CLSTN2: variants seen among roughly 807,000 people sequenced by gnomAD.
CLSTN2 encodes calsyntenin-2.
Under a neutral mutation model 101.2 loss-of-function variants are expected in CLSTN2, and 48 were observed. That is an observed-to-expected ratio of 0.47 (90% CI 0.38 to 0.60). The LOEUF (loss-of-function observed/expected upper bound fraction) is 0.60. Among genes scored for constraint, CLSTN2 ranks in the 20% least tolerant of loss-of-function variants. CLSTN2 has a pLI of 0.00. For missense variants in CLSTN2, 1,160 were observed against 1,238.2 expected, an observed-to-expected ratio of 0.94 and a Z score of 0.95; for synonymous variants, 481 against 463.6, an observed-to-expected ratio of 1.04 and a Z score of -0.48.
rs149230500 is a variant in CLSTN2, at chr3:139,936,332, G to A, written c.109+849G>A. Among the ~76,000 whole-genome samples the A allele has an allele frequency of 1.3e-3, 197 of 152,280 alleles. 1 individual carries two copies. The highest frequency in any genetic ancestry group is 4.6e-3 in the African/African-American group (193 of 41,562). On this transcript the variant is annotated intron_variant, in intron 1 of 16. Transcript: ENST00000458420. ...GGAGGTCACGTGCTTGCAGGGGGTG[G>A]GGAGGCGAGGGAAGAGCAGAGCTGG...
At chr3:140,218,775 G>C (rs1479841001) in intron 2 of CLSTN2, among the ~76,000 whole-genome samples, 1 of 152,152 alleles carries the variant, frequency 6.6e-6, no homozygotes, top group South Asian at 2.1e-4. Flanking sequence ...TAGTGTTTGG[G>C]ACACAATTTG....
At chr3:140,387,858 G>A (rs928287584) in intron 2 of CLSTN2, among the ~76,000 whole-genome samples, 8 of 152,156 alleles carry the variant, frequency 5.3e-5, no homozygotes, top group Admixed American at 4.6e-4. Context: ...TCCATAATTG[G>A]GAGATAATGG....
At chr3:139,981,823 C>T (rs577194277) in intron 1 of CLSTN2, among the ~76,000 whole-genome samples, 3 of 152,302 alleles carry the variant, frequency 2.0e-5, no homozygotes, top group African/African-American at 2.4e-5. Flanking sequence ...CCTTTGGGTT[C>T]GTGCTACAAT....
intron 1 of CLSTN2, among the ~76,000 whole-genome samples, chr3:140,006,779 A>G (rs1560067963): frequency 1.3e-5 from 2 of 152,186 alleles, no homozygotes; most frequent in Admixed American, 6.5e-5. Context: ...AAGTGTTTTT[A>G]TAAGTGCAGT....
At chr3:140,108,889 C>T (rs1051444567) in intron 1 of CLSTN2, among the ~76,000 whole-genome samples, 2 of 152,114 alleles carry the variant, frequency 1.3e-5, no homozygotes, top group Non-Finnish European at 2.9e-5. Flanking sequence ...GCTAGGTACC[C>T]GGCACTGGGA....
chr3:140,542,478 A>G (rs1346506158), intron 9 of CLSTN2, among the ~76,000 whole-genome samples: 1 of 151,882 alleles, frequency 6.6e-6, no homozygotes, highest in Admixed American at 6.6e-5. Flanking sequence ...CTAATTGTTA[A>G]CCAACAGAGG....
chr3:140,358,200 G>A (rs1020968429), intron 2 of CLSTN2, among the ~76,000 whole-genome samples: 2 of 152,050 alleles, frequency 1.3e-5, no homozygotes, highest in African/African-American at 4.8e-5. Context: ...AGGGAGACAT[G>A]GCCAAGCCCC....
chr3:140,258,943 G>A (rs375399704), intron 2 of CLSTN2, among the ~76,000 whole-genome samples: 1 of 152,258 alleles, frequency 6.6e-6, no homozygotes, highest in Admixed American at 6.5e-5. Flanking sequence ...AGATATGTAA[G>A]TCATGTATAG....
chr3:139,972,195 C>G (rs952572345), intron 1 of CLSTN2, among the ~76,000 whole-genome samples: 1 of 151,748 alleles, frequency 6.6e-6, no homozygotes, highest in Non-Finnish European at 1.5e-5. Flanking sequence ...ACCTGGGAGG[C>G]GGAGGTTGCA....
At chr3:140,079,439 T>A (rs2008548009) in intron 1 of CLSTN2, among the ~76,000 whole-genome samples, 1 of 152,188 alleles carries the variant, frequency 6.6e-6, no homozygotes, top group East Asian at 1.9e-4. Flanking sequence ...TCATGTACTA[T>A]GGACACTGTA....
At chr3:140,250,698 A>G (rs914001507) in intron 2 of CLSTN2, among the ~76,000 whole-genome samples, 1 of 152,188 alleles carries the variant, frequency 6.6e-6, no homozygotes, top group Non-Finnish European at 1.5e-5. Context: ...AGCCTTCGCC[A>G]GGGATAATTA....
chr3:140,184,655 G>A (rs1027284147), intron 2 of CLSTN2, among the ~76,000 whole-genome samples: 5 of 152,114 alleles, frequency 3.3e-5, no homozygotes, highest in African/African-American at 7.2e-5. Flanking sequence ...TGCAGGAGTG[G>A]ACTACTAAAG....
intron 2 of CLSTN2, among the ~76,000 whole-genome samples, chr3:140,229,708 C>A (rs1329882421): frequency 6.6e-6 from 1 of 151,992 alleles, no homozygotes; most frequent in East Asian, 1.9e-4. Context: ...CTCCCGCTCT[C>A]ACCTTCTCCA....
chr3:139,966,009 A>G lies in CLSTN2; in HGVS notation c.109+30526A>G, dbSNP rs112913688. 5.0e-3 allele frequency among the ~76,000 whole-genome samples: 764 copies of G among 152,324 alleles called. 1 individual carries two copies. Among genetic ancestry groups the G allele is most frequent in the Non-Finnish European group, 7.5e-3 (513 of 68,028 alleles). On this transcript the variant is annotated intron_variant, in intron 1 of 16. Transcript: ENST00000458420. ...ATTTTGACGCTAGCCAATGGAACACAGCCAGGTGCTAGAAGAACTGGGCCA... is the reference window on the plus strand; with the variant it reads ...ATTTTGACGCTAGCCAATGGAACACGGCCAGGTGCTAGAAGAACTGGGCCA...
chr3:140,158,839 G>T (rs555780217), intron 1 of CLSTN2, among the ~76,000 whole-genome samples: 51 of 152,166 alleles, frequency 3.4e-4, no homozygotes, highest in African/African-American at 1.2e-3. Context: ...ACACATGGAC[G>T]AATGGAACAG....
At chr3:140,529,590 G>A (rs1002719509) in intron 8 of CLSTN2, among the ~76,000 whole-genome samples, 2 of 152,172 alleles carry the variant, frequency 1.3e-5, no homozygotes, top group African/African-American at 4.8e-5. Flanking sequence ...CTAGCAGAGG[G>A]TCAATGTAGG....
chr3:140,465,060 CAATT>C (rs987153935), intron 7 of CLSTN2, among the ~76,000 whole-genome samples: 27 of 152,284 alleles, frequency 1.8e-4, no homozygotes, highest in African/African-American at 6.3e-4. Flanking sequence ...CTCATTGTAT[CAATT>C]AAGAGGCTTT....
At chr3:140,366,198 A>AC (rs2087787109) in intron 2 of CLSTN2, among the ~76,000 whole-genome samples, 1 of 151,760 alleles carries the variant, frequency 6.6e-6, no homozygotes, top group Admixed American at 6.6e-5. Flanking sequence ...ATCACCCCTC[A>AC]CCTCCCCTCC....
At chr3:140,534,232 C>A (rs1001418468) in intron 9 of CLSTN2, among the ~76,000 whole-genome samples, 2 of 152,132 alleles carry the variant, frequency 1.3e-5, no homozygotes, top group Non-Finnish European at 2.9e-5. Context: ...TGGAACATAG[C>A]CTGGATAATG....
Sources: allele counts gnomAD v4.1 joint callset (sites outside exome capture counted in the v4.1 genomes callset), GRCh38; gene constraint gnomAD v4.1.1; transcripts MANE v1.5; gene names NCBI Gene and HGNC (gene_info 2026-07-23, HGNC 2026-07-21).